HECTD3: variants seen among roughly 807,000 people sequenced by gnomAD.
The protein encoded by HECTD3 is HECT domain E3 ubiquitin protein ligase 3.
Under a neutral mutation model 109.3 loss-of-function variants are expected in HECTD3, and 72 were observed. That is an observed-to-expected ratio of 0.66 (90% CI 0.54 to 0.80). The LOEUF is 0.80. Among genes scored for constraint, HECTD3 ranks in the 30% least tolerant of loss-of-function variants. HECTD3 has a pLI of 0.00. For synonymous variants in HECTD3, 481 were observed against 471.8 expected, an observed-to-expected ratio of 1.02 and a Z score of -0.25; for missense variants, 1,041 against 1,165.2, an observed-to-expected ratio of 0.89 and a Z score of 1.55.
chr1:45,009,703 T>C lies in HECTD3; in HGVS notation c.760-20A>G. ...CTCCTCCTGGGGAGGGGCAGAGACGTGAAGTCAGCAGTTACCCTCCCTCCC... is the reference window on the plus strand; with the variant it reads ...CTCCTCCTGGGGAGGGGCAGAGACGCGAAGTCAGCAGTTACCCTCCCTCCC... On this transcript the variant is annotated intron_variant, in intron 4 of 20. Coordinates refer to ENST00000372172, the MANE Select transcript of HECTD3 (RefSeq NM_024602.6). 1 of 1,576,244 alleles carries C rather than the reference T, an allele frequency of 6.3e-7. No homozygotes were observed.
intron 11 of HECTD3, 25 bp downstream of exon 11, chr1:45,007,194 T>G: frequency 1.9e-6 from 3 of 1,602,130 alleles, no homozygotes; most frequent in Non-Finnish European, 2.6e-6. Flanking sequence ...GTGTCCCGAG[T>G]AAGTCCCTCA....
rs963204218 is a variant in HECTD3, at chr1:45,002,669, T to G, written c.*823A>C. 6.6e-6 allele frequency: 1 copy of G among 152,220 alleles called. No homozygotes were observed. The allele number at this position is 152,220 out of a possible 1,614,324, so 9.4% of individuals were successfully genotyped here. On this transcript the variant is annotated 3_prime_UTR_variant, in exon 21 of 21. Coordinates refer to ENST00000372172, the MANE Select transcript of HECTD3 (RefSeq NM_024602.6). ...GGTGTGCATAGCTCTAGGAACAGGT[T>G]TAAGGTCTAGGCTTTAGAGTTGGGG...
Position 45,006,710 on chromosome 1 carries a change from AAAG to A in HECTD3, c.1704_1706del (p.Phe569del), listed in dbSNP as rs1173882641. On this transcript the variant is annotated inframe_deletion, in exon 13 of 21. Transcript: ENST00000372172. The surrounding 1 kb of genome is among the most constrained non-coding windows in gnomAD (Gnocchi z 4.7). ...AGATTACCTGGTTGGCTGTGCGTAC[AAAG>A]AAGGGCAGGGGCACGGGGGTATCCG... 1 of 1,613,038 alleles carries A rather than the reference AAAG, an allele frequency of 6.2e-7. No homozygotes were observed. The highest frequency in any genetic ancestry group is 2.2e-5 in the East Asian group (1 of 44,862).
At chr1:45,004,513 G>A (rs1047788260) in intron 16 of HECTD3, 87 bp downstream of exon 16, 4 of 1,590,230 alleles carry the variant, frequency 2.5e-6, no homozygotes, top group Non-Finnish European at 3.4e-6. Flanking sequence ...TTGGAGTACT[G>A]GTGGCTTACA....
At position 45,009,021 on chromosome 1, in the gene HECTD3, G is replaced by T. The variant is rs938263189; in HGVS notation, c.1072+123C>A. 1.2e-5 allele frequency: 10 copies of T among 820,530 alleles called. No homozygotes were observed. In the Middle Eastern group the frequency reaches 8.6e-4, roughly 70 times the overall value. 50.8% of individuals were successfully genotyped at this position (820,530 alleles called of 1,614,324 possible). A position where few individuals can be genotyped will look rare whatever the true frequency, so the allele number is the denominator to read the frequency against. On this transcript the variant is annotated intron_variant, in intron 7 of 20. Coordinates refer to ENST00000372172, the MANE Select transcript of HECTD3 (RefSeq NM_024602.6). ...TCAGGCCCCAAAGCTCCAAATCCTGGAGTTAGTTCAGCATCGCCTTCACCC... is the reference window on the plus strand; with the variant it reads ...TCAGGCCCCAAAGCTCCAAATCCTGTAGTTAGTTCAGCATCGCCTTCACCC...
Position 45,008,246 on chromosome 1 carries a change from C to T in HECTD3, c.1314G>A (p.Glu438=). ...ACTGGCTGGGTCGGCTCACCTTAAT[C>T]TCACTGAAGGTGCCCAGTGTGTGGT... is the stretch of plus-strand genomic sequence containing the variant. ...AWDHTLGTFS[E]IKQVKQFLLL... The change falls in exon 9 of 21, where the codon GAG becomes GAA. Residue 438 remains glutamate (E), a synonymous_variant. Transcript: ENST00000372172. 2 of 1,613,508 alleles carry T rather than the reference C, an allele frequency of 1.2e-6. No homozygotes were observed. Among genetic ancestry groups the T allele is most frequent in the South Asian group, 1.1e-5 (1 of 91,048 alleles).
At chr1:45,005,040 T>C in intron 15 of HECTD3, 1 of 587,760 alleles carries the variant, frequency 1.7e-6, no homozygotes, top group Non-Finnish European at 3.0e-6. Context: ...GAGACCCAAA[T>C]GATGGCTGGG....
chr1:45,005,111 A>T (rs909518574), intron 15 of HECTD3: 65 of 467,778 alleles, frequency 1.4e-4, no homozygotes, highest in Middle Eastern at 1.2e-3. Context: ...AAAAGGCCTA[A>T]GGAAACTGTG....
rs199543261 is a variant in HECTD3 at position 45,003,953 on chromosome 1, A to T, written c.2348-17T>A. ...TCCGGTCCTCTGGAGGGAGAAGGAA[A>T]TCAGTGCCTGCATGGATGGTGAGGG... On this transcript the variant is annotated splice_polypyrimidine_tract_variant and intron_variant, in intron 18 of 20. Transcript: ENST00000372172. The surrounding 1 kb of genome is among the most constrained non-coding windows in gnomAD (Gnocchi z 4.7). 1.2e-6 allele frequency: 2 copies of T among 1,613,326 alleles called. No homozygotes were observed. Among genetic ancestry groups the T allele is most frequent in the Non-Finnish European group, 1.7e-6 (2 of 1,179,550 alleles).
At position 45,007,231 on chromosome 1, in the gene HECTD3, G is replaced by GGCT; in HGVS notation, c.1541_1543dup (p.Lys514_Pro515insGln). 1 of 1,613,266 alleles carries GGCT rather than the reference G, an allele frequency of 6.2e-7. No individual in the cohort carries two copies. The highest frequency in any genetic ancestry group is 1.3e-5 in the African/African-American group (1 of 74,918). On this transcript the variant is annotated inframe_insertion, in exon 11 of 21. Transcript: ENST00000372172. Reference sequence around the variant, plus strand: ...TCTCATGCCATACCTGTAGTCCAGGGGCTTTTCATATTTGTCAGAGGGCTT... The same window carrying GGCT: ...TCTCATGCCATACCTGTAGTCCAGGGGCTGCTTTTCATATTTGTCAGAGGGCTT...
rs750383806 is a variant in HECTD3 at position 45,008,706 on chromosome 1, G to A, written c.1073-5C>T. 3.1e-6 allele frequency: 5 copies of A among 1,612,678 alleles called. No homozygotes were observed. In the Admixed American group the frequency reaches 8.3e-5, roughly 27 times the overall value. Reference sequence around the variant, plus strand: ...GACGAACATCAATCCCATCATCTGGGGGAAGGGGTCAGAGTAAGGTCATTT... The same window carrying A: ...GACGAACATCAATCCCATCATCTGGAGGAAGGGGTCAGAGTAAGGTCATTT... On this transcript the variant is annotated splice_region_variant and splice_polypyrimidine_tract_variant and intron_variant, in intron 7 of 20. Transcript: ENST00000372172.
In HECTD3 at chr1:45,003,895, G is replaced by A. The variant is rs200331964; in HGVS notation, c.2389C>T (p.Arg797Cys). ...RFLRFVTGRS[R>C]LPARIYIYPD... ...TAGATGTAGATCCGTGCTGGCAGGC[G>A]ACTGCGGCCCGTGACAAAGCGCAGG... is the stretch of plus-strand genomic sequence containing the variant. The change falls in exon 19 of 21, where the codon CGC (arginine) becomes TGC (cysteine). Residue 797 changes from arginine to cysteine, a missense_variant. Physicochemically the swap from Arg to Cys is radical, Grantham distance 180. Transcript: ENST00000372172. This position sits in a 1 kb window ranked among gnomAD's most constrained non-coding sequence, Gnocchi z 4.7. The A allele has an allele frequency of 3.5e-5, 56 of 1,613,326 alleles. No homozygotes were observed. The highest frequency in any genetic ancestry group is 5.9e-6 in the Non-Finnish European group (7 of 1,179,704).
chr1:45,010,567 A>G lies in HECTD3; in HGVS notation c.509T>C (p.Val170Ala). The stretch of plus-strand genomic sequence containing the variant: ...GTACCTGAGCACCGGCCGATAATCC[A>G]CGCCAAAGAGCTGCTGCTGCCGCTG... ...HLQRQQQLFG[V>A]DYRPVLRWEQ... is the part of the protein sequence containing the mutation. The change falls in exon 2 of 21, where the codon GTG (valine) becomes GCG (alanine). Residue 170 changes from valine (V) to alanine (A), a missense_variant. Physicochemically the swap from Val to Ala is moderately conservative, Grantham distance 64. Transcript: ENST00000372172. 6.2e-7 allele frequency: 1 copy of G among 1,613,534 alleles called. No individual in the cohort carries two copies. The highest frequency in any genetic ancestry group is 1.7e-5 in the Admixed American group (1 of 60,010).
Position 45,008,243 on chromosome 1 carries a change from A to C in HECTD3, c.1317T>G (p.Ile439Met). The change falls in exon 9 of 21, where the codon ATT becomes ATG. Residue 439 changes from isoleucine to methionine, a missense_variant. Around this residue, in one of 2 missense-constraint regions of HECTD3, gnomAD observed 569 missense variants for 715.3 expected, o/e 0.80. Coordinates refer to ENST00000372172, the MANE Select transcript of HECTD3 (RefSeq NM_024602.6). ...AGCACTGGCTGGGTCGGCTCACCTT[A>C]ATCTCACTGAAGGTGCCCAGTGTGT... ...WDHTLGTFSE[I>M]KQVKQFLLLS... 1 of 1,613,174 alleles carries C rather than the reference A, an allele frequency of 6.2e-7. No individual in the cohort carries two copies.
In HECTD3 at chr1:45,010,874, C is replaced by T. The variant is rs1248992636; in HGVS notation, c.369+15G>A. 1 of 1,513,802 alleles carries T rather than the reference C, an allele frequency of 6.6e-7. No homozygotes were observed. Among genetic ancestry groups the T allele is most frequent in the Non-Finnish European group, 8.8e-7 (1 of 1,142,042 alleles). The allele number at this position is 1,513,802 out of a possible 1,614,324, so 93.8% of individuals were successfully genotyped here. A position where few individuals can be genotyped will look rare whatever the true frequency, so the allele number is the denominator to read the frequency against. On this transcript the variant is annotated intron_variant, in intron 1 of 20. Coordinates refer to ENST00000372172, the MANE Select transcript of HECTD3 (RefSeq NM_024602.6). ...CAGGGGTCTTTTACCGGGTCCTGGG[C>T]AGGGAAGAGCGCACCTTTGTCAGCT...
rs752739136 is a variant in HECTD3 at position 45,004,559 on chromosome 1, A to G, written c.2142+41T>C. On this transcript the variant is annotated intron_variant, in intron 16 of 20. Transcript: ENST00000372172. ...TGGGTCCCAGGAGCTGGGGCTCAGG[A>G]GGGGCCAAAGCTCTCTGCTCTACTA... The G allele has an allele frequency of 4.4e-6, 7 of 1,608,906 alleles. No homozygotes were observed. In the South Asian group the frequency reaches 7.7e-5, roughly 18 times the overall value.
At position 45,006,209 on chromosome 1, in the gene HECTD3, T is replaced by G. The variant is rs1644733932; in HGVS notation, c.1726-93A>C. ...CTGAACATTTTCCACTGGGAACATT[T>G]TCCACTAAATGATCCCTTCAAATGC... On this transcript the variant is annotated intron_variant, in intron 13 of 20. Coordinates refer to ENST00000372172, the MANE Select transcript of HECTD3 (RefSeq NM_024602.6). This position sits in a 1 kb window ranked among gnomAD's most constrained non-coding sequence, Gnocchi z 4.7. 23 of 1,510,982 alleles carry G rather than the reference T, an allele frequency of 1.5e-5. No individual in the cohort carries two copies. The highest frequency in any genetic ancestry group is 1.4e-4 in the Admixed American group (8 of 56,370). The allele number at this position is 1,510,982 out of a possible 1,614,324, so 93.6% of individuals were successfully genotyped here.
At position 45,006,121 on chromosome 1, in the gene HECTD3, C is replaced by T; in HGVS notation, c.1726-5G>A. 6.2e-7 allele frequency: 1 copy of T among 1,613,026 alleles called. No homozygotes were observed. The highest frequency in any genetic ancestry group is 8.5e-7 in the Non-Finnish European group (1 of 1,179,166). ...AGCCTCACCAGTGCCATTGCCCTGC[C>T]CCAGAGACAGAGCTGTGAGTGTGGC... is the stretch of plus-strand genomic sequence containing the variant. On this transcript the variant is annotated splice_polypyrimidine_tract_variant and splice_region_variant and intron_variant, in intron 13 of 20. Transcript: ENST00000372172. This position sits in a 1 kb window ranked among gnomAD's most constrained non-coding sequence, Gnocchi z 4.7.
At chr1:45,009,049 A>G in intron 7 of HECTD3, 95 bp downstream of exon 7, 1 of 1,057,898 alleles carries the variant, frequency 9.5e-7, no homozygotes, top group Non-Finnish European at 1.5e-6. Context: ...CTTCACCCCA[A>G]CTCCAAGCCC....
Sources: allele counts gnomAD v4.1 joint callset, GRCh38; gene constraint gnomAD v4.1.1; regional missense constraint gnomAD v4.1.1; non-coding constraint Gnocchi (gnomAD v3.1); transcripts MANE v1.5; gene names NCBI Gene and HGNC (gene_info 2026-07-23, HGNC 2026-07-21).